The following NOPCHAP1 variants were observed in gnomAD, a reference collection of about 807,000 sequenced individuals.
NOPCHAP1 encodes NOP protein chaperone 1.
Under a neutral mutation model 14.0 loss-of-function variants are expected in NOPCHAP1, and 13 were observed. The observed-to-expected ratio is 0.93, with a 90% CI of 0.60 to 1.47. The LOEUF (loss-of-function observed/expected upper bound fraction) is 1.47, where lower values mean the gene tolerates loss of function less well. Among genes scored for constraint, NOPCHAP1 ranks in the 40% most tolerant of loss-of-function variants. The probability of loss-of-function intolerance (pLI) is 0.00; values close to 1 mark genes in which losing one functional copy is unlikely to be tolerated. For missense variants in NOPCHAP1, 230 were observed against 226.9 expected (o/e 1.01, Z -0.09); for synonymous variants, 78 against 78.4 (o/e 1.00, Z 0.03).
chr12:104,992,792 C>T (rs956426512), intron 3 of NOPCHAP1, among the ~76,000 whole-genome samples: 20 of 152,266 alleles, frequency 1.3e-4, no homozygotes, highest in South Asian at 4.1e-4. Context: ...GGTTGTTGTG[C>T]GCTCTTTATG....
rs746561893 is a variant in NOPCHAP1, at chr12:104,986,405, G to A, written c.53G>A (p.Arg18Gln). Residue 18 changes from arginine (R) to glutamine (Q), a missense_variant, in exon 1 of 4, where the codon CGG becomes CAG. Physicochemically the swap from Arg to Gln is conservative, Grantham distance 43. Coordinates refer to ENST00000552951, the MANE Select transcript of NOPCHAP1 (RefSeq NM_152318.3). ...AGCCCGAGTTGTTCGTCGCCCACCC[G>A]GGATTCCTCAGGAGTCCCAGTGTCC... The part of the protein sequence containing the change: ...KASPSCSSPT[R>Q]DSSGVPVSKE... The A allele has an allele frequency of 1.9e-6, 3 of 1,611,846 alleles. No individual in the cohort carries two copies. In the South Asian group the frequency reaches 3.3e-5, roughly 18 times the overall value.
intron 2 of NOPCHAP1, among the ~76,000 whole-genome samples, chr12:104,991,429 C>A (rs909199012): frequency 1.3e-5 from 2 of 152,212 alleles, no homozygotes; most frequent in African/African-American, 4.8e-5. Flanking sequence ...TGTTAAGTCA[C>A]ACTGCCTCCC....
intron 3 of NOPCHAP1, among the ~76,000 whole-genome samples, chr12:104,992,525 T>C (rs1160961491): frequency 2.0e-5 from 3 of 152,186 alleles, no homozygotes; most frequent in Non-Finnish European, 2.9e-5. Flanking sequence ...GGGCTTCCCA[T>C]CACGTTTCAA....
Position 104,994,950 on chromosome 12 carries a change from G to A in NOPCHAP1, c.*254G>A. ...AGTGTGCTTTTATCAGCTGAACACA[G>A]AAGTAGAGTACAGGAATAACTTGAT... On this transcript the variant is annotated 3_prime_UTR_variant, in exon 4 of 4. Coordinates refer to ENST00000552951, the MANE Select transcript of NOPCHAP1 (RefSeq NM_152318.3). 4.6e-6 allele frequency: 2 copies of A among 435,044 alleles called. No individual in the cohort carries two copies. The highest frequency in any genetic ancestry group is 4.2e-6 in the Non-Finnish European group (1 of 239,374). 26.9% of individuals were successfully genotyped at this position (435,044 alleles called of 1,614,324 possible).
At position 105,009,753 on chromosome 12, in the gene NOPCHAP1, T is replaced by G. The variant is rs1873777877; in HGVS notation, c.*15057T>G. 6.6e-6 allele frequency: 1 copy of G among 152,230 alleles called. No individual in the cohort carries two copies. The highest frequency in any genetic ancestry group is 2.4e-5 in the African/African-American group (1 of 41,454). 9.4% of individuals were successfully genotyped at this position (152,230 alleles called of 1,614,324 possible). A position where few individuals can be genotyped will look rare whatever the true frequency, so the allele number is the denominator to read the frequency against. ...CTTTTTGTCATTGGTTCTGTTTATG[T>G]GATGGATTATGTTTATTGATTTGTG... On this transcript the variant is annotated 3_prime_UTR_variant, in exon 4 of 4. Coordinates refer to ENST00000552951, the MANE Select transcript of NOPCHAP1 (RefSeq NM_152318.3).
intron 3 of NOPCHAP1, among the ~76,000 whole-genome samples, chr12:104,993,051 C>T (rs188794710): frequency 1.7e-4 from 26 of 152,290 alleles, no homozygotes; most frequent in African/African-American, 6.0e-4. Context: ...TTCTCCATTT[C>T]GACTCCCTCT....
chr12:104,988,337 C>A, intron 2 of NOPCHAP1, 84 bp downstream of exon 2: 2 of 1,095,672 alleles, frequency 1.8e-6, no homozygotes, highest in Non-Finnish European at 2.7e-6. Context: ...CCTTCATTGT[C>A]AGGTATCAAA....
rs1415174569 is a variant in NOPCHAP1, at chr12:104,996,758, G to C, written c.*2062G>C. ...TCTCTTTGTAGGTCTCTGAATGCTT[G>C]CTTTATGAATCTGGGTGCTTCTCTG... On this transcript the variant is annotated 3_prime_UTR_variant, in exon 4 of 4. Coordinates refer to ENST00000552951, the MANE Select transcript of NOPCHAP1 (RefSeq NM_152318.3). 1 of 152,164 alleles carries C rather than the reference G, an allele frequency of 6.6e-6. No homozygotes were observed. Among genetic ancestry groups the C allele is most frequent in the African/African-American group, 2.4e-5 (1 of 41,426 alleles). The allele number at this position is 152,164 out of a possible 1,614,324, so 9.4% of individuals were successfully genotyped here.
intron 3 of NOPCHAP1, among the ~76,000 whole-genome samples, chr12:104,992,320 C>T (rs1242625050): frequency 6.6e-6 from 1 of 152,200 alleles, no homozygotes; most frequent in Admixed American, 6.5e-5. Flanking sequence ...ATTCATTAGC[C>T]ATTCTATTCA....
rs958676661 is a variant in NOPCHAP1 at position 104,986,357 on chromosome 12, A to T, written c.5A>T (p.Glu2Val). Residue 2 changes from glutamate (E) to valine (V), a missense_variant, in exon 1 of 4, where the codon GAG becomes GTG. Glu to Val is a moderately radical substitution (Grantham distance 121, BLOSUM62 -2). Transcript: ENST00000552951. M[E>V]VHGKPKASPS... Reference sequence around the variant, plus strand: ...GAGTGCAGGCTTGAGGGAAGCATGGAGGTCCATGGCAAGCCCAAGGCTAGC... The same window carrying T: ...GAGTGCAGGCTTGAGGGAAGCATGGTGGTCCATGGCAAGCCCAAGGCTAGC... 1 of 1,607,958 alleles carries T rather than the reference A, an allele frequency of 6.2e-7. No homozygotes were observed. The highest frequency in any genetic ancestry group is 1.7e-4 in the Middle Eastern group (1 of 6,052).
intron 2 of NOPCHAP1, among the ~76,000 whole-genome samples, chr12:104,989,899 A>G (rs1033038456): frequency 6.6e-6 from 1 of 152,026 alleles, no homozygotes; most frequent in African/African-American, 2.4e-5. Flanking sequence ...TATCAAATGT[A>G]TTTTTTCAAG....
At position 105,000,473 on chromosome 12, in the gene NOPCHAP1, T is replaced by C. The variant is rs1873586807; in HGVS notation, c.*5777T>C. ...AGCCTTACCTAAAGCCATTGCAAAT[T>C]ATGGTCCTATGGATTTTCCTGTAAG... On this transcript the variant is annotated 3_prime_UTR_variant, in exon 4 of 4. Transcript: ENST00000552951. 2 of 152,110 alleles carry C rather than the reference T, an allele frequency of 1.3e-5. No individual in the cohort carries two copies. The highest frequency in any genetic ancestry group is 4.2e-4 in the South Asian group (2 of 4,816). The allele number at this position is 152,110 out of a possible 1,614,324, so 9.4% of individuals were successfully genotyped here.
At position 105,007,527 on chromosome 12, in the gene NOPCHAP1, A is replaced by C. The variant is rs1349457380; in HGVS notation, c.*12831A>C. The C allele has an allele frequency of 6.6e-6, 1 of 152,164 alleles. No homozygotes were observed. Among genetic ancestry groups the C allele is most frequent in the Non-Finnish European group, 1.5e-5 (1 of 67,994 alleles). 9.4% of individuals were successfully genotyped at this position (152,164 alleles called of 1,614,324 possible). ...GTTTACAATATTGCACTAAAGACGA[A>C]GAACATGCGATAACCATAAGAGATC... On this transcript the variant is annotated 3_prime_UTR_variant, in exon 4 of 4. Transcript: ENST00000552951.
chr12:105,016,761 A>C lies in NOPCHAP1; in HGVS notation c.*22065A>C, dbSNP rs1873955267. 6.6e-6 allele frequency: 1 copy of C among 152,236 alleles called. No homozygotes were observed. The highest frequency in any genetic ancestry group is 1.5e-5 in the Non-Finnish European group (1 of 68,056). The allele number at this position is 152,236 out of a possible 1,614,324, so 9.4% of individuals were successfully genotyped here. A position where few individuals can be genotyped will look rare whatever the true frequency, so the allele number is the denominator to read the frequency against. On this transcript the variant is annotated 3_prime_UTR_variant, in exon 4 of 4. Coordinates refer to ENST00000552951, the MANE Select transcript of NOPCHAP1 (RefSeq NM_152318.3). ...AACACGTGAGAATTATGGGAGCTACAATTCAAGATGAGATTTGGGTGGGGA... is the reference window on the plus strand; with the variant it reads ...AACACGTGAGAATTATGGGAGCTACCATTCAAGATGAGATTTGGGTGGGGA...
In NOPCHAP1 at chr12:105,014,491, G is replaced by T. The variant is rs1873906794; in HGVS notation, c.*19795G>T. ...GACCCACACAGTTCAAATCTGTGTT[G>T]TTCAAGTGTCACCTGTATTTAGCTA... On this transcript the variant is annotated 3_prime_UTR_variant, in exon 4 of 4. Coordinates refer to ENST00000552951, the MANE Select transcript of NOPCHAP1 (RefSeq NM_152318.3). 1 of 152,090 alleles carries T rather than the reference G, an allele frequency of 6.6e-6. No homozygotes were observed. The highest frequency in any genetic ancestry group is 1.5e-5 in the Non-Finnish European group (1 of 68,004). The allele number at this position is 152,090 out of a possible 1,614,324, so 9.4% of individuals were successfully genotyped here. A position where few individuals can be genotyped will look rare whatever the true frequency, so the allele number is the denominator to read the frequency against.
At position 105,013,141 on chromosome 12, in the gene NOPCHAP1, C is replaced by T. The variant is rs1592753400; in HGVS notation, c.*18445C>T. 2 of 152,340 alleles carry T rather than the reference C, an allele frequency of 1.3e-5. No individual in the cohort carries two copies. The highest frequency in any genetic ancestry group is 4.1e-4 in the South Asian group (2 of 4,836). 9.4% of individuals were successfully genotyped at this position (152,340 alleles called of 1,614,324 possible). A position where few individuals can be genotyped will look rare whatever the true frequency, so the allele number is the denominator to read the frequency against. ...AGATAGGACTTTTATCTATAATCCC[C>T]TTGACTGGGACTGCTGCCTTTCTTT... On this transcript the variant is annotated 3_prime_UTR_variant, in exon 4 of 4. Coordinates refer to ENST00000552951, the MANE Select transcript of NOPCHAP1 (RefSeq NM_152318.3).
At position 104,994,779 on chromosome 12, in the gene NOPCHAP1, T is replaced by C; in HGVS notation, c.*83T>C. On this transcript the variant is annotated 3_prime_UTR_variant, in exon 4 of 4. Transcript: ENST00000552951. ...GAATGTGATTCACGGGTTCTTTTGCTTTTCAGGCACCTATGGTGCTTTTAT... is the reference window on the plus strand; with the variant it reads ...GAATGTGATTCACGGGTTCTTTTGCCTTTCAGGCACCTATGGTGCTTTTAT... 8.0e-7 allele frequency: 1 copy of C among 1,246,216 alleles called. No homozygotes were observed. The highest frequency in any genetic ancestry group is 1.1e-6 in the Non-Finnish European group (1 of 874,418). The allele number at this position is 1,246,216 out of a possible 1,614,324, so 77.2% of individuals were successfully genotyped here. A position where few individuals can be genotyped will look rare whatever the true frequency, so the allele number is the denominator to read the frequency against.
intron 3 of NOPCHAP1, 67 bp from the exon 4 acceptor site, chr12:104,994,409 AAT>A: frequency 1.5e-6 from 2 of 1,360,460 alleles, no homozygotes; most frequent in East Asian, 4.6e-5. Context: ...GGTTCTTCCC[AAT>A]ATTGTTTTAT....
rs1365088773 is a variant in NOPCHAP1, at chr12:105,001,397, G to A, written c.*6701G>A. The A allele has an allele frequency of 6.6e-6, 1 of 152,108 alleles. No individual in the cohort carries two copies. The highest frequency in any genetic ancestry group is 1.5e-5 in the Non-Finnish European group (1 of 68,004). The allele number at this position is 152,108 out of a possible 1,614,324, so 9.4% of individuals were successfully genotyped here. A position where few individuals can be genotyped will look rare whatever the true frequency, so the allele number is the denominator to read the frequency against. ...GTAGAAATGTACCACCTAAAATTTG[G>A]ATTATCTTTCCAGGATTATGAGCTT... On this transcript the variant is annotated 3_prime_UTR_variant, in exon 4 of 4. Coordinates refer to ENST00000552951, the MANE Select transcript of NOPCHAP1 (RefSeq NM_152318.3).
Sources: gnomAD v4.1 joint callset for allele counts (sites outside exome capture counted in the v4.1 genomes callset) on GRCh38, gnomAD v4.1.1 for gene constraint, MANE v1.5 for transcripts, NCBI Gene and HGNC (gene_info 2026-07-23, HGNC 2026-07-21) for gene names.